Variants in GRM5 observed in about 807,000 individuals in gnomAD.
GRM5 encodes the protein metabotropic glutamate receptor 5.
In GRM5, 19 loss-of-function variants were observed where a neutral mutation model predicts 83.1. That is an observed-to-expected ratio of 0.23 (90% CI 0.16 to 0.34). The LOEUF (loss-of-function observed/expected upper bound fraction) is 0.34, where lower values mean the gene tolerates loss of function less well. Ranked by LOEUF, GRM5 falls within the 10% of genes least tolerant of loss-of-function variation. The pLI, the probability that GRM5 is intolerant of heterozygous loss-of-function variation, is 1.00. For missense variants in GRM5, 1,160 were observed against 1,588.3 expected (o/e 0.73, Z 4.58); for synonymous variants, 675 against 633.6 (o/e 1.07, Z -0.98).
intron 2 of GRM5, among the ~76,000 whole-genome samples, chr11:88,871,595 A>C (rs1003444773): frequency 6.6e-6 from 1 of 151,648 alleles, no homozygotes; most frequent in Non-Finnish European, 1.5e-5. Flanking sequence ...GGAGGTAAAA[A>C]GAGTATTTAT....
chr11:89,030,925 A>T (rs548784780), intron 2 of GRM5, among the ~76,000 whole-genome samples: 1 of 152,164 alleles, frequency 6.6e-6, no homozygotes, highest in African/African-American at 2.4e-5. Flanking sequence ...GGAGGGGAAA[A>T]TTTATCCAAT....
At chr11:89,039,480 C>T (rs184980656) in intron 2 of GRM5, among the ~76,000 whole-genome samples, 24 of 152,070 alleles carry the variant, frequency 1.6e-4, no homozygotes. Flanking sequence ...TTACAGAGAA[C>T]TAACTCACTA....
chr11:88,531,783 G>T (rs11020232), intron 8 of GRM5, among the ~76,000 whole-genome samples: 5,994 of 152,136 alleles, frequency 0.039, 422 homozygotes, highest in African/African-American at 0.14. Context: ...CCTGCTCCAG[G>T]TTTTGTTCTT....
intron 3 of GRM5, among the ~76,000 whole-genome samples, chr11:88,736,030 A>G (rs867799037): frequency 3.3e-5 from 5 of 152,080 alleles, no homozygotes; most frequent in African/African-American, 1.2e-4. Context: ...TTAGACAATC[A>G]TTTGTGGTCA....
intron 2 of GRM5, among the ~76,000 whole-genome samples, chr11:88,935,120 G>A (rs1937849374): frequency 6.6e-6 from 1 of 151,898 alleles, no homozygotes; most frequent in African/African-American, 2.4e-5. Context: ...GGACATATAA[G>A]GATTTGGTGA....
intron 3 of GRM5, among the ~76,000 whole-genome samples, chr11:88,748,864 C>CTGAT (rs1453602416): frequency 6.6e-6 from 1 of 152,102 alleles, no homozygotes; most frequent in Admixed American, 6.6e-5. Context: ...GTAGAGTGGC[C>CTGAT]TGATTGTTAA....
At chr11:88,690,320 G>A (rs558141507) in intron 3 of GRM5, among the ~76,000 whole-genome samples, 2 of 151,992 alleles carry the variant, frequency 1.3e-5, no homozygotes, top group South Asian at 2.1e-4. Context: ...TTTTGTTTTT[G>A]AACAGAAATC....
chr11:88,736,116 T>A lies in GRM5; in HGVS notation c.912-82713A>T, dbSNP rs572422014. 2.0e-4 allele frequency among the ~76,000 whole-genome samples: 31 copies of A among 152,190 alleles called. 1 individual carries two copies. The South Asian group carries it at 6.0e-3, about 30-fold the overall frequency. ...AGAAAAACCTGTTCACCACTTTTAG[T>A]CTCAGTTAAAGGTATTGAACACTAT... is the stretch of plus-strand genomic sequence containing the variant. On this transcript the variant is annotated intron_variant, in intron 3 of 9. Coordinates refer to ENST00000305447, the MANE Select transcript of GRM5 (RefSeq NM_001143831.3).
intron 2 of GRM5, among the ~76,000 whole-genome samples, chr11:88,912,978 TC>T (rs1433564767): frequency 6.6e-6 from 1 of 152,190 alleles, no homozygotes; most frequent in South Asian, 2.1e-4. Flanking sequence ...GATTCAATCC[TC>T]CCTGTTGCTA....
At position 88,735,060 on chromosome 11, in the gene GRM5, T is replaced by A. The variant is rs527458363; in HGVS notation, c.912-81657A>T. 4.6e-5 allele frequency among the ~76,000 whole-genome samples: 7 copies of A among 150,768 alleles called. No homozygotes were observed. In the South Asian group the frequency reaches 1.3e-3, roughly 27 times the overall value. On this transcript the variant is annotated intron_variant, in intron 3 of 9. Coordinates refer to ENST00000305447, the MANE Select transcript of GRM5 (RefSeq NM_001143831.3). ...TGATTTTTACAATTCAAAATAAACC[T>A]ATCTTAAGATCTTAAGCTAGTCCTG... is the stretch of plus-strand genomic sequence containing the variant.
intron 2 of GRM5, among the ~76,000 whole-genome samples, chr11:89,017,402 C>A (rs545663017): frequency 1.3e-5 from 2 of 152,304 alleles, no homozygotes; most frequent in African/African-American, 4.8e-5. Context: ...GCATAATGTA[C>A]AGAAATTGAA....
At chr11:88,786,968 G>A (rs16914858) in intron 3 of GRM5, among the ~76,000 whole-genome samples, 12,063 of 152,086 alleles carry the variant, frequency 0.079, 849 homozygotes, top group African/African-American at 0.2. Flanking sequence ...TACACAGTAA[G>A]TTTTTATAAT....
chr11:88,733,893 A>G (rs966143786), intron 3 of GRM5, among the ~76,000 whole-genome samples: 5 of 151,978 alleles, frequency 3.3e-5, no homozygotes, highest in African/African-American at 1.2e-4. Context: ...AAGAGGGTCT[A>G]TGACCAATCC....
chr11:88,567,795 A>G lies in GRM5; in HGVS notation c.1888T>C (p.Leu630=), dbSNP rs145801912. The change falls in exon 8 of 10, where the codon TTA becomes CTA. Residue 630 remains leucine, a synonymous_variant. Coordinates refer to ENST00000305447, the MANE Select transcript of GRM5 (RefSeq NM_001143831.3). This position sits in a 1 kb window ranked among gnomAD's most constrained non-coding sequence, Gnocchi z 7.3. ...IILAGICLGY[L]CTFCLIAKPK... ...TTCGCAATGAGGCAGAAGGTACATA[A>G]GTAGCCCAGGCAGATGCCAGCAAGG... The G allele has an allele frequency of 1.4e-4, 221 of 1,614,132 alleles. 1 individual carries two copies. In the East Asian group the frequency reaches 4.6e-3, roughly 34 times the overall value.
rs191856667 is a variant in GRM5 at position 88,749,060 on chromosome 11, C to A, written c.912-95657G>T. ...CTTCTCCTCTAAATGACTACAACAC[C>A]TCTCGAGCAAGGACCCAGAACTGGA... On this transcript the variant is annotated intron_variant, in intron 3 of 9. Coordinates refer to ENST00000305447, the MANE Select transcript of GRM5 (RefSeq NM_001143831.3). Among the ~76,000 whole-genome samples the A allele has an allele frequency of 5.3e-5, 8 of 152,270 alleles. No homozygotes were observed. In the East Asian group the frequency reaches 1.5e-3, roughly 29 times the overall value.
intron 3 of GRM5, among the ~76,000 whole-genome samples, chr11:88,801,674 G>C (rs539976895): frequency 2.4e-4 from 37 of 152,210 alleles, no homozygotes; most frequent in South Asian, 6.2e-4. Flanking sequence ...ATAGGTGAGA[G>C]TGAGGCATAG....
At chr11:88,605,938 G>A (rs1938130588) in intron 4 of GRM5, among the ~76,000 whole-genome samples, 2 of 152,204 alleles carry the variant, frequency 1.3e-5, no homozygotes, top group South Asian at 2.1e-4. Flanking sequence ...AAGGGCAGAT[G>A]AGCATCTATC....
At chr11:88,849,182 C>A (rs1944348583) in intron 3 of GRM5, among the ~76,000 whole-genome samples, 1 of 152,024 alleles carries the variant, frequency 6.6e-6, no homozygotes, top group African/African-American at 2.4e-5. Context: ...TATATACACA[C>A]ACACACAAAT....
At chr11:88,809,015 A>T (rs757188723) in intron 3 of GRM5, among the ~76,000 whole-genome samples, 36 of 152,156 alleles carry the variant, frequency 2.4e-4, no homozygotes, top group Admixed American at 7.9e-4. Context: ...TTATCTTTTA[A>T]CAACGTGTTT....
Sources: allele counts gnomAD v4.1 joint callset (sites outside exome capture counted in the v4.1 genomes callset), GRCh38; gene constraint gnomAD v4.1.1; non-coding constraint Gnocchi (gnomAD v3.1); transcripts MANE v1.5; gene names NCBI Gene and HGNC (gene_info 2026-07-23, HGNC 2026-07-21).